The following PTPRD variants were observed in gnomAD, a reference collection of about 807,000 sequenced individuals.
PTPRD encodes the protein receptor-type tyrosine-protein phosphatase delta.
Under a neutral mutation model 214.5 loss-of-function variants are expected in PTPRD, and 34 were observed. The observed-to-expected ratio is 0.16, with a 90% confidence interval of 0.12 to 0.21. The LOEUF is 0.21. PTPRD is among the 10% of genes least tolerant of loss of function. The pLI is 1.00. For missense variants in PTPRD, 2,545 were observed against 2,398.7 expected, an observed-to-expected ratio of 1.06 and a Z score of -1.27; for synonymous variants, 1,128 against 845.7, an observed-to-expected ratio of 1.33 and a Z score of -5.79.
At chr9:9,237,000 A>G (rs1394130987) in intron 9 of PTPRD, among the ~76,000 whole-genome samples, 6 of 152,186 alleles carry the variant, frequency 3.9e-5, no homozygotes, top group Admixed American at 3.9e-4. Context: ...GTCTGGAATT[A>G]CTTGTCAGAT....
intron 39 of PTPRD, among the ~76,000 whole-genome samples, chr9:8,372,704 C>T (rs555459120): frequency 3.3e-5 from 5 of 152,138 alleles, no homozygotes; most frequent in African/African-American, 1.2e-4. Context: ...CCTTCCAAGG[C>T]CTTGTCTGCG....
intron 7 of PTPRD, among the ~76,000 whole-genome samples, chr9:9,595,542 ATGTGTGTTTGTG>A (rs2093266378): frequency 1.2e-5 from 1 of 80,682 alleles, no homozygotes; most frequent in South Asian, 5.2e-4. Context: ...ATGCATATGT[ATGTGTGTTTGTG>A]TGTGTGTGTG....
chr9:10,018,270 G>C (rs951919805), intron 4 of PTPRD, among the ~76,000 whole-genome samples: 1 of 151,890 alleles, frequency 6.6e-6, no homozygotes, highest in Non-Finnish European at 1.5e-5. Context: ...GGAATTTAGA[G>C]GTTTTGATTG....
intron 3 of PTPRD, among the ~76,000 whole-genome samples, chr9:10,045,939 C>T (rs2097383238): frequency 6.6e-6 from 1 of 151,660 alleles, no homozygotes; most frequent in Non-Finnish European, 1.5e-5. Context: ...GGAAAATCGT[C>T]AATTAAAACT....
chr9:9,951,175 A>G (rs1180041679), intron 4 of PTPRD, among the ~76,000 whole-genome samples: 1 of 152,140 alleles, frequency 6.6e-6, no homozygotes, highest in African/African-American at 2.4e-5. Flanking sequence ...CAATGGAACT[A>G]TGAGGTCTAG....
At chr9:9,740,506 C>G (rs1293034752) in intron 6 of PTPRD, among the ~76,000 whole-genome samples, 1 of 135,606 alleles carries the variant, frequency 7.4e-6, no homozygotes, top group Non-Finnish European at 1.5e-5. Context: ...TATAGGCGCC[C>G]GCCACCACGC....
At chr9:10,606,447 A>G (rs1158357729) in intron 2 of PTPRD, among the ~76,000 whole-genome samples, 2 of 151,740 alleles carry the variant, frequency 1.3e-5, no homozygotes, top group African/African-American at 4.8e-5. Flanking sequence ...TATTTTTCCT[A>G]AATTCTAAAT....
chr9:9,143,343 G>GACT (rs1323352520), intron 10 of PTPRD, among the ~76,000 whole-genome samples: 1 of 152,114 alleles, frequency 6.6e-6, no homozygotes, highest in Non-Finnish European at 1.5e-5. Flanking sequence ...CAGCAATTTT[G>GACT]ACTCTTATTA....
chr9:8,432,773 C>G (rs2095138567), intron 35 of PTPRD, among the ~76,000 whole-genome samples: 2 of 152,178 alleles, frequency 1.3e-5, no homozygotes, highest in South Asian at 4.1e-4. Flanking sequence ...TTAAACATCT[C>G]CTTCATGCCG....
In PTPRD at chr9:10,579,633, G is replaced by C. The variant is rs1282716945; in HGVS notation, c.-600+32765C>G. On this transcript the variant is annotated intron_variant, in intron 2 of 45. Transcript: ENST00000381196. ...TTATTTTCTTTTGGATATATACCCA[G>C]TAATGGGATTGCTGGGTCAAATAAT... Among the ~76,000 whole-genome samples, 4 of 152,294 alleles carry C rather than the reference G, an allele frequency of 2.6e-5. 1 individual carries two copies. In the South Asian group the frequency reaches 8.3e-4, roughly 32 times the overall value.
At chr9:8,864,668 A>G (rs1041566285) in intron 11 of PTPRD, among the ~76,000 whole-genome samples, 7 of 152,176 alleles carry the variant, frequency 4.6e-5, no homozygotes, top group African/African-American at 1.7e-4. Context: ...GCGCATTCCT[A>G]TGCAGTTCAG....
intron 2 of PTPRD, among the ~76,000 whole-genome samples, chr9:10,598,109 T>C (rs933983268): frequency 1.3e-5 from 2 of 151,702 alleles, no homozygotes; most frequent in Non-Finnish European, 2.9e-5. Context: ...AAGCCACAGA[T>C]TGAGGTCCAG....
chr9:10,168,172 T>C (rs1018708161), intron 3 of PTPRD, among the ~76,000 whole-genome samples: 2 of 152,236 alleles, frequency 1.3e-5, no homozygotes, highest in Non-Finnish European at 2.9e-5. Flanking sequence ...AAAATTGCAT[T>C]GTAGTTGTCA....
At chr9:9,438,452 G>A (rs1217065012) in intron 8 of PTPRD, among the ~76,000 whole-genome samples, 1 of 152,128 alleles carries the variant, frequency 6.6e-6, no homozygotes, top group East Asian at 1.9e-4. Flanking sequence ...TTCTAAATAT[G>A]CATTGTGTGA....
chr9:10,184,900 C>T (rs2099321965), intron 3 of PTPRD, among the ~76,000 whole-genome samples: 1 of 152,154 alleles, frequency 6.6e-6, no homozygotes, highest in South Asian at 2.1e-4. Flanking sequence ...CACATCACAC[C>T]TGAAGGGCAG....
intron 3 of PTPRD, among the ~76,000 whole-genome samples, chr9:10,097,813 T>C (rs2098507096): frequency 6.6e-6 from 1 of 151,894 alleles, no homozygotes; most frequent in South Asian, 2.1e-4. Context: ...CCCTGTGTTG[T>C]GCCAGTTTTC....
intron 3 of PTPRD, among the ~76,000 whole-genome samples, chr9:10,288,680 G>A (rs942159): frequency 0.27 from 41,630 of 151,958 alleles, 6,647 homozygotes; most frequent in African/African-American, 0.42. Context: ...ATGAAGCACC[G>A]CAGTAATGAC....
At chr9:9,180,064 C>T (rs149549235) in intron 10 of PTPRD, among the ~76,000 whole-genome samples, 20 of 152,018 alleles carry the variant, frequency 1.3e-4, no homozygotes, top group South Asian at 4.2e-4. Context: ...GTACCGATTG[C>T]GCCACTGGAT....
At chr9:8,726,423 C>G (rs2098558294) in intron 12 of PTPRD, among the ~76,000 whole-genome samples, 1 of 149,594 alleles carries the variant, frequency 6.7e-6, no homozygotes, top group Admixed American at 6.7e-5. Context: ...ACCATCTCTA[C>G]AAAAAAATAT....
Sources: allele counts gnomAD v4.1 joint callset (sites outside exome capture counted in the v4.1 genomes callset), GRCh38; gene constraint gnomAD v4.1.1; transcripts MANE v1.5; gene names NCBI Gene and HGNC (gene_info 2026-07-23, HGNC 2026-07-21).